The following CYYR1 variants were observed in gnomAD, a reference collection of about 807,000 sequenced individuals.
CYYR1 encodes the protein cysteine and tyrosine rich 1, also known as cysteine and tyrosine-rich protein 1.
CYYR1 carries 14 observed loss-of-function variants against 15.2 expected under a neutral mutation model. The observed-to-expected ratio is 0.92, with a 90% CI of 0.61 to 1.44. The LOEUF is 1.44. Ranked by LOEUF, CYYR1 falls within the 40% of genes most tolerant of loss-of-function variation. The probability of loss-of-function intolerance (pLI) is 0.00; values close to 1 mark genes in which losing one functional copy is unlikely to be tolerated. For synonymous variants in CYYR1, 80 were observed against 77.4 expected, an observed-to-expected ratio of 1.03 and a Z score of -0.18; for missense variants, 228 against 209.5, an observed-to-expected ratio of 1.09 and a Z score of -0.54.
At chr21:26,508,110 G>C (rs2065594461) in intron 2 of CYYR1, among the ~76,000 whole-genome samples, 1 of 152,210 alleles carries the variant, frequency 6.6e-6, no homozygotes, top group Non-Finnish European at 1.5e-5. Context: ...GCCAGTTAGA[G>C]AAGGCAAGAA....
At chr21:26,569,671 C>T (rs1315674772) in intron 1 of CYYR1, among the ~76,000 whole-genome samples, 5 of 152,202 alleles carry the variant, frequency 3.3e-5, no homozygotes, top group Admixed American at 3.3e-4. Context: ...ACTATTCCGT[C>T]AGAGTAGGAC....
chr21:26,480,250 G>T, intron 3 of CYYR1, 22 bp downstream of exon 3: 1 of 1,591,058 alleles, frequency 6.3e-7, no homozygotes, highest in East Asian at 2.3e-5. Context: ...CTGAGCCTTC[G>T]AGAGTCAACA....
intron 2 of CYYR1, among the ~76,000 whole-genome samples, chr21:26,558,069 C>T (rs1304543864): frequency 6.6e-6 from 1 of 152,180 alleles, no homozygotes; most frequent in Non-Finnish European, 1.5e-5. Context: ...ATAGCACCAA[C>T]CTTTGCTTTC....
chr21:26,505,169 C>T (rs139274908), intron 2 of CYYR1, among the ~76,000 whole-genome samples: 1 of 152,100 alleles, frequency 6.6e-6, no homozygotes, highest in African/African-American at 2.4e-5. Flanking sequence ...GAAAACATGG[C>T]CCCTCTTTGC....
chr21:26,513,815 C>CA (rs528459683), intron 2 of CYYR1, among the ~76,000 whole-genome samples: 130 of 146,730 alleles, frequency 8.9e-4, no homozygotes, highest in Admixed American at 2.1e-3. Context: ...ATTGCAAGGA[C>CA]AAAAAACCAA....
intron 2 of CYYR1, among the ~76,000 whole-genome samples, chr21:26,542,397 C>G (rs1978637690): frequency 6.6e-6 from 1 of 151,566 alleles, no homozygotes; most frequent in African/African-American, 2.4e-5. Flanking sequence ...TTTCACCTTA[C>G]AAGAGACCTA....
intron 2 of CYYR1, among the ~76,000 whole-genome samples, chr21:26,538,519 A>G (rs1978337166): frequency 6.6e-6 from 1 of 151,756 alleles, no homozygotes; most frequent in Non-Finnish European, 1.5e-5. Context: ...TCATGTGCTT[A>G]TTTTTCCACC....
At chr21:26,508,385 A>G (rs566922267) in intron 2 of CYYR1, among the ~76,000 whole-genome samples, 19 of 152,318 alleles carry the variant, frequency 1.2e-4, no homozygotes, top group African/African-American at 3.4e-4. Context: ...TTCACATGAA[A>G]GGGAATAAGG....
At chr21:26,530,757 C>T (rs527246508) in intron 2 of CYYR1, among the ~76,000 whole-genome samples, 28 of 152,234 alleles carry the variant, frequency 1.8e-4, no homozygotes, top group African/African-American at 5.8e-4. Flanking sequence ...ATGATGGTTT[C>T]CAGCTTCATC....
chr21:26,559,605 A>G (rs1320983161), intron 2 of CYYR1, among the ~76,000 whole-genome samples: 1 of 152,058 alleles, frequency 6.6e-6, no homozygotes, highest in Non-Finnish European at 1.5e-5. Context: ...TTGTTTTTAC[A>G]TATTTAGTCT....
rs1406541199 is a variant in CYYR1 at position 26,468,204 on chromosome 21, A to G, written c.*297T>C. On this transcript the variant is annotated 3_prime_UTR_variant, in exon 4 of 4. Transcript: ENST00000652641. ...CTGAAACTTTCTTCACCTAGCCCTT[A>G]AACAACATGATTATCAGATATTTTG... 11 of 376,088 alleles carry G rather than the reference A, an allele frequency of 2.9e-5. No homozygotes were observed. 23.3% of individuals were successfully genotyped at this position (376,088 alleles called of 1,614,324 possible). A position where few individuals can be genotyped will look rare whatever the true frequency, so the allele number is the denominator to read the frequency against.
At chr21:26,485,203 T>C (rs1254428594) in intron 2 of CYYR1, among the ~76,000 whole-genome samples, 1 of 152,044 alleles carries the variant, frequency 6.6e-6, no homozygotes, top group Non-Finnish European at 1.5e-5. Context: ...ACTTTTATTT[T>C]AAAATAATTA....
intron 2 of CYYR1, among the ~76,000 whole-genome samples, chr21:26,484,997 G>T (rs1453475001): frequency 6.6e-6 from 1 of 151,946 alleles, no homozygotes; most frequent in Non-Finnish European, 1.5e-5. Context: ...TATTTACTTT[G>T]TAATTAATAA....
chr21:26,501,768 A>G (rs1282618944), intron 2 of CYYR1, among the ~76,000 whole-genome samples: 2 of 152,148 alleles, frequency 1.3e-5, no homozygotes, highest in African/African-American at 4.8e-5. Flanking sequence ...GACAAGTAAT[A>G]CCCACTTATC....
intron 1 of CYYR1, 77 bp downstream of exon 1, chr21:26,572,791 C>T: frequency 6.4e-7 from 1 of 1,559,322 alleles, no homozygotes; most frequent in Non-Finnish European, 8.7e-7. Context: ...CCGTCCAGCT[C>T]AACCCACGTT....
At chr21:26,522,585 G>A (rs1001805056) in intron 2 of CYYR1, among the ~76,000 whole-genome samples, 69 of 152,196 alleles carry the variant, frequency 4.5e-4, no homozygotes, top group African/African-American at 1.6e-3. Context: ...CAATTATAAT[G>A]TTCCATAGTA....
intron 2 of CYYR1, among the ~76,000 whole-genome samples, chr21:26,538,579 CTCTCTA>C (rs1375724200): frequency 1.3e-5 from 2 of 151,796 alleles, no homozygotes; most frequent in African/African-American, 2.4e-5. Context: ...TTTTGTTTTG[CTCTCTA>C]TCTCTATCTT....
rs1171544972 is a variant in CYYR1, at chr21:26,566,251, C to T, written c.176+15G>A. The T allele has an allele frequency of 1.3e-6, 2 of 1,593,768 alleles. No individual in the cohort carries two copies. Among genetic ancestry groups the T allele is most frequent in the East Asian group, 2.2e-5 (1 of 44,698 alleles). On this transcript the variant is annotated intron_variant, in intron 2 of 3. Coordinates refer to ENST00000652641, the MANE Select transcript of CYYR1 (RefSeq NM_001320768.2). ...AGGAAGAGCATCAGTATTGCCAAAT[C>T]TGACGAATACTCACGAGAGGATATT... is the stretch of plus-strand genomic sequence containing the variant.
At chr21:26,486,076 A>T (rs1281734277) in intron 2 of CYYR1, among the ~76,000 whole-genome samples, 1 of 152,084 alleles carries the variant, frequency 6.6e-6, no homozygotes, top group Non-Finnish European at 1.5e-5. Flanking sequence ...TTTGCCATTC[A>T]TCTTCTTCAG....
Sources: gnomAD v4.1 joint callset for allele counts (sites outside exome capture counted in the v4.1 genomes callset) on GRCh38, gnomAD v4.1.1 for gene constraint, MANE v1.5 for transcripts, NCBI Gene and HGNC (gene_info 2026-07-23, HGNC 2026-07-21) for gene names.